Variants in YEATS2 observed in about 807,000 individuals in gnomAD.
YEATS2 encodes the protein YEATS domain containing 2, also known as YEATS domain-containing protein 2.
Under a neutral mutation model 163.2 loss-of-function variants are expected in YEATS2, and 77 were observed. The ratio of observed to expected loss-of-function variants is 0.47; its 90% CI spans 0.39 to 0.57. The LOEUF is 0.57. Ranked by LOEUF, YEATS2 falls within the 20% of genes least tolerant of loss-of-function variation. The pLI is 0.00. For missense variants in YEATS2, 1,549 were observed against 1,729.8 expected (o/e 0.90, Z 1.85); for synonymous variants, 631 against 645.1 (o/e 0.98, Z 0.33).
intron 7 of YEATS2, among the ~76,000 whole-genome samples, chr3:183,733,738 A>G (rs1267633379): frequency 6.6e-6 from 1 of 152,204 alleles, no homozygotes; most frequent in Non-Finnish European, 1.5e-5. Context: ...ATTACCTGAC[A>G]AAGAGGTGGG....
At chr3:183,723,083 T>C (rs540220046) in intron 5 of YEATS2, among the ~76,000 whole-genome samples, 3 of 152,400 alleles carry the variant, frequency 2.0e-5, no homozygotes, top group South Asian at 4.1e-4. Flanking sequence ...GTCTTTCAAC[T>C]CTGTCGTGTT....
At chr3:183,782,604 C>T (rs891342868) in intron 19 of YEATS2, among the ~76,000 whole-genome samples, 2 of 150,450 alleles carry the variant, frequency 1.3e-5, no homozygotes, top group Non-Finnish European at 3.0e-5. Context: ...TTGTATTTTT[C>T]GTAGAGACAG....
Position 183,811,706 on chromosome 3 carries a change from G to A in YEATS2, c.*1123G>A, listed in dbSNP as rs1192140472. On this transcript the variant is annotated 3_prime_UTR_variant, in exon 31 of 31. Coordinates refer to ENST00000305135, the MANE Select transcript of YEATS2 (RefSeq NM_018023.5). ...GAAGGTGGCGCTGCCAGGTGCCCGG[G>A]TCTATTGGAGGCGCCCCATCTCAGA... is the stretch of plus-strand genomic sequence containing the variant. 6.6e-6 allele frequency: 1 copy of A among 152,410 alleles called. No individual in the cohort carries two copies. The highest frequency in any genetic ancestry group is 1.5e-5 in the Non-Finnish European group (1 of 68,142). 9.4% of individuals were successfully genotyped at this position (152,410 alleles called of 1,614,324 possible).
At chr3:183,767,599 T>C (rs1447182710) in intron 15 of YEATS2, among the ~76,000 whole-genome samples, 2 of 152,124 alleles carry the variant, frequency 1.3e-5, no homozygotes, top group Non-Finnish European at 2.9e-5. Flanking sequence ...GCCACACTGG[T>C]CTCAAACTTC....
chr3:183,735,714 A>T (rs891536177), intron 7 of YEATS2, among the ~76,000 whole-genome samples: 1 of 149,922 alleles, frequency 6.7e-6, no homozygotes, highest in Non-Finnish European at 1.5e-5. Context: ...TTTGAGATGG[A>T]GTCTTGCTCT....
At chr3:183,722,779 A>G (rs979929621) in intron 5 of YEATS2, among the ~76,000 whole-genome samples, 2 of 152,006 alleles carry the variant, frequency 1.3e-5, no homozygotes, top group Middle Eastern at 3.2e-3. Context: ...CAGCCTCCCA[A>G]GTAGCTGGGA....
chr3:183,728,619 T>C, intron 6 of YEATS2, 71 bp from the exon 7 acceptor site: 1 of 1,373,260 alleles, frequency 7.3e-7, no homozygotes, highest in Non-Finnish European at 9.7e-7. Context: ...TAAGTTTAAG[T>C]AGGACTTAAT....
intron 19 of YEATS2, among the ~76,000 whole-genome samples, chr3:183,777,973 G>A (rs931900316): frequency 2.6e-5 from 4 of 151,866 alleles, no homozygotes; most frequent in African/African-American, 9.7e-5. Flanking sequence ...TTAGCCAGGT[G>A]CAGTGGTGCG....
chr3:183,784,763 C>T (rs1014691530), intron 19 of YEATS2, among the ~76,000 whole-genome samples: 2 of 150,418 alleles, frequency 1.3e-5, no homozygotes, highest in African/African-American at 4.9e-5. Context: ...GCCAAAATTG[C>T]ATACTCTTGC....
At chr3:183,751,622 A>T (rs1432343429) in intron 9 of YEATS2, among the ~76,000 whole-genome samples, 1 of 152,222 alleles carries the variant, frequency 6.6e-6, no homozygotes, top group African/African-American at 2.4e-5. Context: ...ACAAAAGCAA[A>T]TAAAATTACT....
chr3:183,733,117 C>T (rs76201579), intron 7 of YEATS2, among the ~76,000 whole-genome samples: 3,610 of 152,308 alleles, frequency 0.024, 148 homozygotes, highest in African/African-American at 0.082. Context: ...AGGCGTGAGC[C>T]TTGTACCCAG....
intron 21 of YEATS2, chr3:183,793,191 C>CA (rs1577205581): frequency 1.6e-6 from 2 of 1,283,264 alleles, no homozygotes; most frequent in Non-Finnish European, 2.0e-6. Context: ...CACACACACT[C>CA]ACGCATGCAG....
chr3:183,761,575 C>T lies in YEATS2; in HGVS notation c.1725C>T (p.Ser575=). 6 of 1,614,146 alleles carry T rather than the reference C, an allele frequency of 3.7e-6. No individual in the cohort carries two copies. The highest frequency in any genetic ancestry group is 1.6e-4 in the Middle Eastern group (1 of 6,062). Residue 575 remains serine (S), a synonymous_variant, in exon 14 of 31, where the codon AGC becomes AGT. Coordinates refer to ENST00000305135, the MANE Select transcript of YEATS2 (RefSeq NM_018023.5). ...CPIGSHPKVQ[S]PKPITGGLGA... ...TTGGGAGTCACCCTAAGGTTCAAAG[C>T]CCCAAACCTATAACAGGAGGACTTG...
rs147436660 is a variant in YEATS2 at position 183,785,980 on chromosome 3, G to A, written c.2737-145G>A. On this transcript the variant is annotated intron_variant, in intron 19 of 30. Transcript: ENST00000305135. ...AAAATTTGGAGCTTGTTAGAAAGGT[G>A]TGTAAACACCTCATGTAGGTTGGAT... 7.1e-4 allele frequency: 595 copies of A among 838,582 alleles called. 1 individual carries two copies. Among genetic ancestry groups the A allele is most frequent in the Middle Eastern group, 2.9e-3 (11 of 3,790 alleles). The allele number at this position is 838,582 out of a possible 1,614,324, so 51.9% of individuals were successfully genotyped here.
chr3:183,717,412 T>A (rs1577048890), intron 2 of YEATS2, among the ~76,000 whole-genome samples: 2 of 152,218 alleles, frequency 1.3e-5, no homozygotes, highest in East Asian at 3.8e-4. Context: ...AGATTCAGCA[T>A]TTTTGACAGG....
chr3:183,700,643 G>A (rs1270039610), intron 1 of YEATS2, among the ~76,000 whole-genome samples: 2 of 133,880 alleles, frequency 1.5e-5, no homozygotes, highest in Non-Finnish European at 3.1e-5. Flanking sequence ...CTGTTGCCCA[G>A]GCCTGTAATC....
At chr3:183,792,971 G>T in intron 21 of YEATS2, 1 of 355,814 alleles carries the variant, frequency 2.8e-6, no homozygotes. Flanking sequence ...ATAATATATG[G>T]CTTTGCTTCT....
At chr3:183,708,119 A>G (rs1426390897) in intron 1 of YEATS2, among the ~76,000 whole-genome samples, 1 of 151,146 alleles carries the variant, frequency 6.6e-6, no homozygotes, top group East Asian at 1.9e-4. Flanking sequence ...TCAAGTGTCT[A>G]ATTTATCAGA....
chr3:183,787,384 C>CT (rs1009810776), intron 20 of YEATS2, among the ~76,000 whole-genome samples: 10 of 151,154 alleles, frequency 6.6e-5, no homozygotes, highest in Non-Finnish European at 1.0e-4. Context: ...TGTTCTTGTC[C>CT]TTTTTTTTTA....
Sources: gnomAD v4.1 joint callset for allele counts (sites outside exome capture counted in the v4.1 genomes callset) on GRCh38, gnomAD v4.1.1 for gene constraint, MANE v1.5 for transcripts, NCBI Gene and HGNC (gene_info 2026-07-23, HGNC 2026-07-21) for gene names.